PROB1: variants seen among roughly 807,000 people sequenced by gnomAD.
The protein encoded by PROB1 is proline rich basic protein 1, also known as proline-rich basic protein 1.
For synonymous variants in PROB1, 660 were observed against 699.3 expected (o/e 0.94, Z 0.89); for missense variants, 1,453 against 1,485.7 (o/e 0.98, Z 0.36).
rs1758628043 is a variant in PROB1 at position 139,393,088 on chromosome 5, G to A, written c.1994C>T (p.Thr665Met). The A allele has an allele frequency of 6.6e-7, 1 of 1,525,476 alleles. No individual in the cohort carries two copies. The allele number at this position is 1,525,476 out of a possible 1,614,324, so 94.5% of individuals were successfully genotyped here. Reference protein sequence around the residue: ...PCGEEGGESKTQEPPALGPPA... With the variant: ...PCGEEGGESKMQEPPALGPPA... ...GGGCCCCAGTGCTGGCGGCTCTTGCGTCTTGGATTCGCCGCCCTCCTCCCC... is the reference window on the plus strand; with the variant it reads ...GGGCCCCAGTGCTGGCGGCTCTTGCATCTTGGATTCGCCGCCCTCCTCCCC... Residue 665 changes from threonine to methionine, a missense_variant, in exon 1 of 1, where the codon ACG (threonine) becomes ATG (methionine). By Grantham distance (81) the Thr-to-Met change is moderately conservative. Transcript: ENST00000434752.
rs564296309 is a variant in PROB1 at position 139,394,910 on chromosome 5, A to G, written c.172T>C (p.Trp58Arg). 142 of 1,516,966 alleles carry G rather than the reference A, an allele frequency of 9.4e-5. No homozygotes were observed. The East Asian group carries it at 3.4e-3, about 37-fold the overall frequency. The allele number at this position is 1,516,966 out of a possible 1,614,324, so 94.0% of individuals were successfully genotyped here. A position where few individuals can be genotyped will look rare whatever the true frequency, so the allele number is the denominator to read the frequency against. Residue 58 changes from tryptophan (W) to arginine (R), a missense_variant, in exon 1 of 1, where the codon TGG (tryptophan) becomes CGG (arginine). By Grantham distance (101) the Trp-to-Arg change is moderately radical. Coordinates refer to ENST00000434752, the MANE Select transcript of PROB1 (RefSeq NM_001161546.2). Reference sequence around the variant, plus strand: ...CCCGCCCCCCGCCCAGGAGCCACCCAGGGCCAATTCGCTGGGCCTTTCGCG... The same window carrying G: ...CCCGCCCCCCGCCCAGGAGCCACCCGGGGCCAATTCGCTGGGCCTTTCGCG... ...PDAKGPANWP[W>R]VAPGRGAGAQ...
chr5:139,394,783 TG>T lies in PROB1; in HGVS notation c.298del (p.Gln100SerfsTer72). 6.5e-7 allele frequency: 1 copy of T among 1,529,894 alleles called. No homozygotes were observed. 94.8% of individuals were successfully genotyped at this position (1,529,894 alleles called of 1,614,324 possible). On this transcript the variant is annotated frameshift_variant, in exon 1 of 1. Transcript: ENST00000434752. LOFTEE classifies it low-confidence loss of function (END_TRUNC). Reference sequence around the variant, plus strand: ...CGACGGCAGCGTGCGCAGCTGGGGCTGGGGTGGCCGTGGGCCGGAACCTGGG... The same window carrying T: ...CGACGGCAGCGTGCGCAGCTGGGGCTGGGTGGCCGTGGGCCGGAACCTGGG... ...RGPGSGPRPP[Q>X]PQLRTLPSGE... is the part of the protein sequence containing the mutation.
rs1193313788 is a variant in PROB1 at position 139,393,783 on chromosome 5, G to A, written c.1299C>T (p.Ala433=). 1 of 1,551,440 alleles carries A rather than the reference G, an allele frequency of 6.4e-7. No individual in the cohort carries two copies. Among genetic ancestry groups the A allele is most frequent in the Non-Finnish European group, 8.7e-7 (1 of 1,146,984 alleles). Residue 433 remains alanine (A), a synonymous_variant, in exon 1 of 1, where the codon GCC becomes GCT. Transcript: ENST00000434752. ...GATTTTGATTTTCCCACTCGGAGGAGGCTTCAGGGAACAATGGGCTACTCA... is the reference window on the plus strand; with the variant it reads ...GATTTTGATTTTCCCACTCGGAGGAAGCTTCAGGGAACAATGGGCTACTCA... ...RRVSSPLFPE[A]SSEWENQNPA...
rs576130548 is a variant in PROB1, at chr5:139,392,825, C to T, written c.2257G>A (p.Ala753Thr). ...CTGTTCTCTCCTCCAGGGCCGCGCG[C>T]TCGCACTCGCGAGGTTACCTCGGGC... ...RRPEVTSRVRARGPGGENRDV... is the reference protein window; with the variant it reads ...RRPEVTSRVRTRGPGGENRDV... The change falls in exon 1 of 1, where the codon GCG becomes ACG. Residue 753 changes from alanine (A) to threonine (T), a missense_variant. Transcript: ENST00000434752. This position sits in a 1 kb window ranked among gnomAD's most constrained non-coding sequence, Gnocchi z 5.8. 2.0e-6 allele frequency: 3 copies of T among 1,523,114 alleles called. No individual in the cohort carries two copies. Among genetic ancestry groups the T allele is most frequent in the Non-Finnish European group, 2.6e-6 (3 of 1,133,716 alleles). 94.3% of individuals were successfully genotyped at this position (1,523,114 alleles called of 1,614,324 possible).
chr5:139,392,180 A>C lies in PROB1; in HGVS notation c.2902T>G (p.Trp968Gly), dbSNP rs933382262. The change falls in exon 1 of 1, where the codon TGG becomes GGG. Residue 968 changes from tryptophan to glycine, a missense_variant. Trp to Gly is a radical substitution (Grantham distance 184, BLOSUM62 -2). Coordinates refer to ENST00000434752, the MANE Select transcript of PROB1 (RefSeq NM_001161546.2). This position sits in a 1 kb window ranked among gnomAD's most constrained non-coding sequence, Gnocchi z 5.8. ...TCCAGGGGCCCTGCCTCAGAGACCCAGGGTAGCTGGGGGCTGCCGAGGGCC... is the reference window on the plus strand; with the variant it reads ...TCCAGGGGCCCTGCCTCAGAGACCCCGGGTAGCTGGGGGCTGCCGAGGGCC... ...PQALGSPQLP[W>G]VSEAGPLDGT... 3 of 1,408,358 alleles carry C rather than the reference A, an allele frequency of 2.1e-6. No homozygotes were observed. Among genetic ancestry groups the C allele is most frequent in the Non-Finnish European group, 2.8e-6 (3 of 1,075,458 alleles). The allele number at this position is 1,408,358 out of a possible 1,614,324, so 87.2% of individuals were successfully genotyped here. A position where few individuals can be genotyped will look rare whatever the true frequency, so the allele number is the denominator to read the frequency against.
In PROB1 at chr5:139,394,106, C is replaced by T; in HGVS notation, c.976G>A (p.Asp326Asn). 1.3e-6 allele frequency: 2 copies of T among 1,548,362 alleles called. No homozygotes were observed. Among genetic ancestry groups the T allele is most frequent in the East Asian group, 2.4e-5 (1 of 40,826 alleles). ...PSLRERAIRRDKPAPGTEPLG... is the reference protein window; with the variant it reads ...PSLRERAIRRNKPAPGTEPLG... ...GGCTCCGTCCCGGGCGCAGGCTTGT[C>T]GCGCCGAATCGCGCGCTCGCGGAGG... Residue 326 changes from aspartate to asparagine, a missense_variant, in exon 1 of 1, where the codon GAC (aspartate) becomes AAC (asparagine). Asp to Asn is a conservative substitution (Grantham distance 23, BLOSUM62 1). Transcript: ENST00000434752.
Position 139,394,300 on chromosome 5 carries a change from G to A in PROB1, c.782C>T (p.Pro261Leu). The change falls in exon 1 of 1, where the codon CCC (proline) becomes CTC (leucine). Residue 261 changes from proline (P) to leucine (L), a missense_variant. Transcript: ENST00000434752. ...VQTALARKLSPEAPAPSSATF... is the reference protein window; with the variant it reads ...VQTALARKLSLEAPAPSSATF... ...GGCGCTGCTCGGGGCCGGGGCCTCGGGGCTCAGTTTTCTGGCCAACGCCGT... is the reference window on the plus strand; with the variant it reads ...GGCGCTGCTCGGGGCCGGGGCCTCGAGGCTCAGTTTTCTGGCCAACGCCGT... 3 of 1,514,848 alleles carry A rather than the reference G, an allele frequency of 2.0e-6. No homozygotes were observed. Among genetic ancestry groups the A allele is most frequent in the Non-Finnish European group, 2.7e-6 (3 of 1,131,966 alleles). 93.8% of individuals were successfully genotyped at this position (1,514,848 alleles called of 1,614,324 possible).
Position 139,393,738 on chromosome 5 carries a change from GAC to G in PROB1, c.1342_1343del (p.Val448GlnfsTer46). On this transcript the variant is annotated frameshift_variant, in exon 1 of 1. Transcript: ENST00000434752. LOFTEE classifies it low-confidence loss of function (END_TRUNC). ...TCGGAGGGGAAGGGCTTCTCCTGCT[GAC>G]AGTTTCCTCGACGGCAGGATTTTGA... is the stretch of plus-strand genomic sequence containing the variant. The part of the protein sequence containing the change: ...ENQNPAVEET[V>X]SRRSPSPPIL... 1 of 1,551,372 alleles carries G rather than the reference GAC, an allele frequency of 6.4e-7. No individual in the cohort carries two copies. Among genetic ancestry groups the G allele is most frequent in the South Asian group, 1.2e-5 (1 of 84,066 alleles).
Position 139,393,453 on chromosome 5 carries a change from C to A in PROB1, c.1629G>T (p.Gln543His), listed in dbSNP as rs1245971295. 2 of 1,551,548 alleles carry A rather than the reference C, an allele frequency of 1.3e-6. No homozygotes were observed. The highest frequency in any genetic ancestry group is 2.0e-5 in the Admixed American group (1 of 50,984). The change falls in exon 1 of 1, where the codon CAG becomes CAT. Residue 543 changes from glutamine to histidine, a missense_variant. Coordinates refer to ENST00000434752, the MANE Select transcript of PROB1 (RefSeq NM_001161546.2). ...ACGGTGTAGGCGGTGCCAACTCCTC[C>A]TGAGTTAACCCATTCTGAGCTTCCT... ...FTQEAQNGLT[Q>H]EELAPPTPSA...
Position 139,392,867 on chromosome 5 carries a change from G to A in PROB1, c.2215C>T (p.Leu739=). ...KRTEIRLPGA[L]ALGRRPEVTS... is the part of the protein sequence containing the mutation. ...ACCTCGGGCCGGCGACCCAAGGCCA[G>A]GGCCCCAGGCAGGCGGATCTCTGTG... The change falls in exon 1 of 1, where the codon CTG becomes TTG. Residue 739 remains leucine, a synonymous_variant. Transcript: ENST00000434752. This position sits in a 1 kb window ranked among gnomAD's most constrained non-coding sequence, Gnocchi z 5.8. 1.9e-5 allele frequency: 30 copies of A among 1,544,086 alleles called. No homozygotes were observed. Among genetic ancestry groups the A allele is most frequent in the Non-Finnish European group, 2.6e-5 (30 of 1,143,654 alleles).
chr5:139,392,411 A>T lies in PROB1; in HGVS notation c.2671T>A (p.Tyr891Asn). The part of the protein sequence containing the change: ...KVLVDPESGR[Y>N]YFVEAPRQPR... ...TGCCGCGGCGCCTCCACAAAGTAGT[A>T]GCGGCCGCTCTCGGGGTCCACCAAG... is the stretch of plus-strand genomic sequence containing the variant. Residue 891 changes from tyrosine (Y) to asparagine (N), a missense_variant, in exon 1 of 1, where the codon TAC (tyrosine) becomes AAC (asparagine). Transcript: ENST00000434752. This position sits in a 1 kb window ranked among gnomAD's most constrained non-coding sequence, Gnocchi z 5.8. 1 of 1,503,246 alleles carries T rather than the reference A, an allele frequency of 6.7e-7. No homozygotes were observed. Among genetic ancestry groups the T allele is most frequent in the Non-Finnish European group, 8.9e-7 (1 of 1,128,192 alleles). 93.1% of individuals were successfully genotyped at this position (1,503,246 alleles called of 1,614,324 possible). A position where few individuals can be genotyped will look rare whatever the true frequency, so the allele number is the denominator to read the frequency against.
At position 139,392,549 on chromosome 5, in the gene PROB1, T is replaced by C; in HGVS notation, c.2533A>G (p.Arg845Gly). Reference protein sequence around the residue: ...LPREPLALAGRTAPAQPRAAS... With the variant: ...LPREPLALAGGTAPAQPRAAS... ...GCGCGGGGCTGGGCTGGGGCCGTCCTGCCCGCCAACGCCAGGGGCTCCCGC... is the reference window on the plus strand; with the variant it reads ...GCGCGGGGCTGGGCTGGGGCCGTCCCGCCCGCCAACGCCAGGGGCTCCCGC... The change falls in exon 1 of 1, where the codon AGG (arginine) becomes GGG (glycine). Residue 845 changes from arginine (R) to glycine (G), a missense_variant. Coordinates refer to ENST00000434752, the MANE Select transcript of PROB1 (RefSeq NM_001161546.2). This position sits in a 1 kb window ranked among gnomAD's most constrained non-coding sequence, Gnocchi z 5.8. The C allele has an allele frequency of 7.4e-7, 1 of 1,347,418 alleles. No homozygotes were observed. Among genetic ancestry groups the C allele is most frequent in the Non-Finnish European group, 9.5e-7 (1 of 1,055,086 alleles). The allele number at this position is 1,347,418 out of a possible 1,614,324, so 83.5% of individuals were successfully genotyped here.
rs369710606 is a variant in PROB1, at chr5:139,393,368, C to A, written c.1714G>T (p.Asp572Tyr). 4.5e-6 allele frequency: 7 copies of A among 1,551,468 alleles called. No homozygotes were observed. The highest frequency in any genetic ancestry group is 5.2e-6 in the Non-Finnish European group (6 of 1,147,004). ...MQSPSTREIS[D>Y]LAFGGSQQSP... ...TGCTGACTCCCTCCAAAGGCAAGAT[C>A]TGAAATTTCCCGCGTGGATGGACTC... is the stretch of plus-strand genomic sequence containing the variant. The change falls in exon 1 of 1, where the codon GAT (aspartate) becomes TAT (tyrosine). Residue 572 changes from aspartate to tyrosine, a missense_variant. Asp to Tyr is a radical substitution (Grantham distance 160). Coordinates refer to ENST00000434752, the MANE Select transcript of PROB1 (RefSeq NM_001161546.2).
At position 139,392,795 on chromosome 5, in the gene PROB1, C is replaced by T; in HGVS notation, c.2287G>A (p.Val763Ile). Residue 763 changes from valine to isoleucine, a missense_variant, in exon 1 of 1, where the codon GTA (valine) becomes ATA (isoleucine). Physicochemically the swap from Val to Ile is conservative, Grantham distance 29. Coordinates refer to ENST00000434752, the MANE Select transcript of PROB1 (RefSeq NM_001161546.2). The surrounding 1 kb of genome is among the most constrained non-coding windows in gnomAD (Gnocchi z 5.8). Reference sequence around the variant, plus strand: ...TCGGGGACCAGGCGCTGGGCCTCTACATCCCTGTTCTCTCCTCCAGGGCCG... The same window carrying T: ...TCGGGGACCAGGCGCTGGGCCTCTATATCCCTGTTCTCTCCTCCAGGGCCG... ...ARGPGGENRD[V>I]EAQRLVPDGD... 1 of 1,469,780 alleles carries T rather than the reference C, an allele frequency of 6.8e-7. No individual in the cohort carries two copies. The highest frequency in any genetic ancestry group is 9.0e-7 in the Non-Finnish European group (1 of 1,107,376). The allele number at this position is 1,469,780 out of a possible 1,614,324, so 91.0% of individuals were successfully genotyped here. A position where few individuals can be genotyped will look rare whatever the true frequency, so the allele number is the denominator to read the frequency against.
chr5:139,393,180 C>G lies in PROB1; in HGVS notation c.1902G>C (p.Thr634=). The G allele has an allele frequency of 6.5e-7, 1 of 1,549,424 alleles. No homozygotes were observed. The highest frequency in any genetic ancestry group is 8.7e-7 in the Non-Finnish European group (1 of 1,146,522). ...PRDVRKLVKT[T]YAPGFPAGAQ... ...CTCCTGCCGGGAAGCCTGGCGCGTA[C>G]GTGGTCTTCACCAACTTGCGCACGT... The change falls in exon 1 of 1, where the codon ACG becomes ACC. Residue 634 remains threonine (T), a synonymous_variant. Coordinates refer to ENST00000434752, the MANE Select transcript of PROB1 (RefSeq NM_001161546.2).
chr5:139,394,303 C>T lies in PROB1; in HGVS notation c.779G>A (p.Ser260Asn). The T allele has an allele frequency of 6.6e-7, 1 of 1,509,762 alleles. No homozygotes were observed. The highest frequency in any genetic ancestry group is 1.4e-5 in the African/African-American group (1 of 71,502). The allele number at this position is 1,509,762 out of a possible 1,614,324, so 93.5% of individuals were successfully genotyped here. Residue 260 changes from serine to asparagine, a missense_variant, in exon 1 of 1, where the codon AGC becomes AAC. By Grantham distance (46) the Ser-to-Asn change is conservative (BLOSUM62 1). Coordinates refer to ENST00000434752, the MANE Select transcript of PROB1 (RefSeq NM_001161546.2). Reference protein sequence around the residue: ...FVQTALARKLSPEAPAPSSAT... With the variant: ...FVQTALARKLNPEAPAPSSAT... ...GCTGCTCGGGGCCGGGGCCTCGGGGCTCAGTTTTCTGGCCAACGCCGTCTG... is the reference window on the plus strand; with the variant it reads ...GCTGCTCGGGGCCGGGGCCTCGGGGTTCAGTTTTCTGGCCAACGCCGTCTG...
In PROB1 at chr5:139,394,015, G is replaced by A. The variant is rs746059865; in HGVS notation, c.1067C>T (p.Thr356Ile). 6.4e-7 allele frequency: 1 copy of A among 1,550,708 alleles called. No individual in the cohort carries two copies. The change falls in exon 1 of 1, where the codon ACT becomes ATT. Residue 356 changes from threonine (T) to isoleucine (I), a missense_variant. Thr to Ile is a moderately conservative substitution (Grantham distance 89). Transcript: ENST00000434752. The part of the protein sequence containing the change: ...SEEKIQEARK[T>I]RFPREAPDRT... ...ATCCGGCGCCTCTCGCGGGAACCGA[G>A]TCTTCCGCGCCTCCTGGATCTTCTC...
rs1485622038 is a variant in PROB1 at position 139,391,509 on chromosome 5, G to A, written c.*525C>T. ...CCCCCCAGTAACCTCCAGGGCCAAAGCTCAGCTCCTCTTCCTAAGAGCAGA... is the reference window on the plus strand; with the variant it reads ...CCCCCCAGTAACCTCCAGGGCCAAAACTCAGCTCCTCTTCCTAAGAGCAGA... On this transcript the variant is annotated 3_prime_UTR_variant, in exon 1 of 1. Transcript: ENST00000434752. The surrounding 1 kb of genome is among the most constrained non-coding windows in gnomAD (Gnocchi z 4.8). 1.3e-5 allele frequency: 2 copies of A among 152,968 alleles called. No individual in the cohort carries two copies. Among genetic ancestry groups the A allele is most frequent in the Non-Finnish European group, 2.9e-5 (2 of 68,642 alleles). 9.5% of individuals were successfully genotyped at this position (152,968 alleles called of 1,614,324 possible). A position where few individuals can be genotyped will look rare whatever the true frequency, so the allele number is the denominator to read the frequency against.
chr5:139,393,291 G>A lies in PROB1; in HGVS notation c.1791C>T (p.Thr597=), dbSNP rs1327568376. Residue 597 remains threonine (T), a synonymous_variant, in exon 1 of 1, where the codon ACC becomes ACT. Transcript: ENST00000434752. The part of the protein sequence containing the change: ...PEPPGSHPVG[T]LDADKCPEVL... ...CTTCCGGGCACTTATCCGCGTCCAG[G>A]GTGCCCACAGGGTGGCTGCCGGGCG... The A allele has an allele frequency of 2.6e-6, 4 of 1,550,298 alleles. No homozygotes were observed. The highest frequency in any genetic ancestry group is 8.7e-7 in the Non-Finnish European group (1 of 1,146,966).
Sources: allele counts gnomAD v4.1 joint callset, GRCh38; gene constraint gnomAD v4.1.1; non-coding constraint Gnocchi (gnomAD v3.1); transcripts MANE v1.5; gene names NCBI Gene and HGNC (gene_info 2026-07-23, HGNC 2026-07-21).